The following TTC29 variants were observed in gnomAD, a reference collection of about 807,000 sequenced individuals.
TTC29 encodes the protein tetratricopeptide repeat domain 29.
In TTC29, 49 loss-of-function variants were observed where a neutral mutation model predicts 58.1. The ratio of observed to expected loss-of-function variants is 0.84; its 90% CI spans 0.67 to 1.07. The LOEUF (loss-of-function observed/expected upper bound fraction) is 1.07, where lower values mean the gene tolerates loss of function less well. Among genes scored for constraint, TTC29 ranks in the 50% least tolerant of loss-of-function variants. The pLI, the probability that TTC29 is intolerant of heterozygous loss-of-function variation, is 0.00. For missense variants in TTC29, 582 were observed against 555.6 expected (o/e 1.05, Z -0.48); for synonymous variants, 209 against 196.8 (o/e 1.06, Z -0.52).
At chr4:146,790,066 C>A (rs772048191) in intron 11 of TTC29, among the ~76,000 whole-genome samples, 1 of 152,182 alleles carries the variant, frequency 6.6e-6, no homozygotes, top group Non-Finnish European at 1.5e-5. Context: ...TGGATATCTT[C>A]TCCCCACCCT....
At chr4:146,785,817 A>G (rs1579668246) in intron 11 of TTC29, among the ~76,000 whole-genome samples, 1 of 152,056 alleles carries the variant, frequency 6.6e-6, no homozygotes, top group Non-Finnish European at 1.5e-5. Context: ...AAATGATGTT[A>G]ACAGTTTTGA....
chr4:146,804,780 C>T (rs964766033), intron 10 of TTC29, among the ~76,000 whole-genome samples: 2 of 151,606 alleles, frequency 1.3e-5, no homozygotes, highest in South Asian at 2.1e-4. Flanking sequence ...GACACAGCAC[C>T]TCGGGGAAGG....
At chr4:146,767,074 G>A (rs10519819) in intron 11 of TTC29, among the ~76,000 whole-genome samples, 7,569 of 151,980 alleles carry the variant, frequency 0.05, 322 homozygotes, top group Admixed American at 0.12. Flanking sequence ...GGTTTCCTTC[G>A]TAACACATGT....
chr4:146,858,136 A>T (rs1481590161), intron 8 of TTC29, among the ~76,000 whole-genome samples: 1 of 152,204 alleles, frequency 6.6e-6, no homozygotes, highest in Non-Finnish European at 1.5e-5. Context: ...TTTAAAGTGT[A>T]AACACACATT....
At chr4:146,828,282 G>A (rs1190456251) in intron 9 of TTC29, among the ~76,000 whole-genome samples, 2 of 152,058 alleles carry the variant, frequency 1.3e-5, no homozygotes, top group Non-Finnish European at 2.9e-5. Context: ...AAAAGTTATT[G>A]AGAGAACTTG....
intron 8 of TTC29, among the ~76,000 whole-genome samples, chr4:146,855,235 C>T (rs1729765687): frequency 6.6e-6 from 1 of 152,236 alleles, no homozygotes; most frequent in African/African-American, 2.4e-5. Context: ...GAGTTCAAGA[C>T]CAGCCTGGCC....
chr4:146,872,311 T>C (rs1367894750), intron 7 of TTC29, among the ~76,000 whole-genome samples: 1 of 151,964 alleles, frequency 6.6e-6, no homozygotes, highest in African/African-American at 2.4e-5. Flanking sequence ...TAGGAGTAAA[T>C]CACTGTGACC....
intron 4 of TTC29, among the ~76,000 whole-genome samples, chr4:146,915,663 A>G (rs1438684568): frequency 6.6e-6 from 1 of 152,106 alleles, no homozygotes; most frequent in Non-Finnish European, 1.5e-5. Context: ...AATAAATCTA[A>G]CAAGTAATAT....
intron 11 of TTC29, among the ~76,000 whole-genome samples, chr4:146,752,243 A>C (rs1256305182): frequency 6.6e-6 from 1 of 150,912 alleles, no homozygotes; most frequent in Non-Finnish European, 1.5e-5. Flanking sequence ...ATCAATGTAC[A>C]AAAATCACAA....
intron 8 of TTC29, among the ~76,000 whole-genome samples, 196 bp downstream of exon 8, chr4:146,867,302 C>G (rs1278637203): frequency 6.6e-6 from 1 of 152,106 alleles, no homozygotes; most frequent in Non-Finnish European, 1.5e-5. Flanking sequence ...TTACATACCA[C>G]TGTACCTTCA....
chr4:146,861,958 T>C (rs1730262132), intron 8 of TTC29, among the ~76,000 whole-genome samples: 1 of 151,996 alleles, frequency 6.6e-6, no homozygotes. Flanking sequence ...ATGACAACAA[T>C]TAAAGATAGA....
At chr4:146,845,888 C>T (rs1454683093) in intron 8 of TTC29, among the ~76,000 whole-genome samples, 2 of 151,020 alleles carry the variant, frequency 1.3e-5, no homozygotes, top group East Asian at 1.9e-4. Context: ...TGAAACATAT[C>T]TACTTATTAT....
intron 6 of TTC29, 82 bp downstream of exon 6, chr4:146,903,462 T>C (rs889858230): frequency 9.4e-5 from 121 of 1,285,762 alleles, no homozygotes; most frequent in Non-Finnish European, 1.2e-4. Flanking sequence ...GTCTTTTTTC[T>C]CGACCACCAC....
At chr4:146,909,286 T>C (rs1733742438) in intron 4 of TTC29, 37 bp from the exon 5 acceptor site, 1 of 1,480,740 alleles carries the variant, frequency 6.8e-7, no homozygotes, top group Non-Finnish European at 9.3e-7. Flanking sequence ...AGGTTTATGT[T>C]AATCCTTTCA....
intron 11 of TTC29, among the ~76,000 whole-genome samples, chr4:146,753,696 C>T (rs1469633182): frequency 6.6e-6 from 1 of 152,146 alleles, no homozygotes; most frequent in Non-Finnish European, 1.5e-5. Flanking sequence ...AAATGTGGCA[C>T]ATATACACCA....
chr4:146,852,912 TA>T (rs1443267558), intron 8 of TTC29, among the ~76,000 whole-genome samples: 16 of 152,196 alleles, frequency 1.1e-4, no homozygotes, highest in African/African-American at 3.4e-4. Context: ...TTTATATGAT[TA>T]TTTTTTACTT....
chr4:146,815,000 G>A (rs1427611842), intron 10 of TTC29, among the ~76,000 whole-genome samples: 1 of 152,190 alleles, frequency 6.6e-6, no homozygotes, highest in African/African-American at 2.4e-5. Context: ...TGAGGTCAGA[G>A]ATAGGGGTGG....
Position 146,715,616 on chromosome 4 carries a change from C to T in TTC29, c.1331-8065G>A, listed in dbSNP as rs556085708. ...GTGGGTATTAGAGGCTGGGAAGGGTCGGGGGATGGGAGAAGGTGGGAGATG... is the reference window on the plus strand; with the variant it reads ...GTGGGTATTAGAGGCTGGGAAGGGTTGGGGGATGGGAGAAGGTGGGAGATG... On this transcript the variant is annotated intron_variant, in intron 11 of 12. Coordinates refer to ENST00000325106, the MANE Select transcript of TTC29 (RefSeq NM_031956.4). Among the ~76,000 whole-genome samples, 68 of 151,198 alleles carry T rather than the reference C, an allele frequency of 4.5e-4. No homozygotes were observed. The South Asian group carries it at 0.013, about 28-fold the overall frequency.
At chr4:146,775,468 T>G (rs961853816) in intron 11 of TTC29, among the ~76,000 whole-genome samples, 3 of 152,160 alleles carry the variant, frequency 2.0e-5, no homozygotes, top group African/African-American at 7.2e-5. Context: ...TGGCATTTGC[T>G]TGTCTGAAAG....
Sources: allele counts gnomAD v4.1 joint callset (sites outside exome capture counted in the v4.1 genomes callset), GRCh38; gene constraint gnomAD v4.1.1; transcripts MANE v1.5; gene names NCBI Gene and HGNC (gene_info 2026-07-23, HGNC 2026-07-21).